The following ARFGEF1 variants were observed in gnomAD, a reference collection of about 807,000 sequenced individuals.
ARFGEF1 encodes the protein ARF guanine nucleotide exchange factor 1.
ARFGEF1 carries 42 observed loss-of-function variants against 231.0 expected under a neutral mutation model. The observed-to-expected ratio is 0.18, with a 90% confidence interval of 0.14 to 0.24. The LOEUF is 0.24. Among genes scored for constraint, ARFGEF1 ranks in the 10% least tolerant of loss-of-function variants. ARFGEF1 has a pLI of 1.00. For synonymous variants in ARFGEF1, 710 were observed against 732.3 expected, an observed-to-expected ratio of 0.97 and a Z score of 0.49; for missense variants, 1,345 against 2,192.0, an observed-to-expected ratio of 0.61 and a Z score of 7.72.
chr8:67,338,194 G>A (rs771307746), intron 1 of ARFGEF1, among the ~76,000 whole-genome samples: 4 of 152,000 alleles, frequency 2.6e-5, no homozygotes, highest in Admixed American at 1.3e-4. Flanking sequence ...TCCTTATTTC[G>A]GACTTTCTTC....
At chr8:67,337,911 CAT>C (rs1324798018) in intron 1 of ARFGEF1, among the ~76,000 whole-genome samples, 2 of 152,204 alleles carry the variant, frequency 1.3e-5, no homozygotes, top group Non-Finnish European at 2.9e-5. Context: ...GTATCTGGAA[CAT>C]ATGAGGAGTT....
At chr8:67,286,659 G>A (rs980286356) in intron 7 of ARFGEF1, among the ~76,000 whole-genome samples, 4 of 152,038 alleles carry the variant, frequency 2.6e-5, no homozygotes, top group African/African-American at 9.7e-5. Flanking sequence ...AAGAATGCAC[G>A]GGCATGTACT....
chr8:67,202,638 G>T (rs1838372984), intron 36 of ARFGEF1, among the ~76,000 whole-genome samples: 1 of 152,102 alleles, frequency 6.6e-6, no homozygotes, highest in Non-Finnish European at 1.5e-5. Flanking sequence ...TGTCTAACTT[G>T]TTCTAGAACA....
At chr8:67,188,075 GTTAA>G (rs1352840107) in intron 5 of ARFGEF1, among the ~76,000 whole-genome samples, 3 of 152,282 alleles carry the variant, frequency 2.0e-5, no homozygotes, top group East Asian at 3.9e-4. Flanking sequence ...AAAAGACACT[GTTAA>G]TTAAGAGAAT....
intron 1 of ARFGEF1, among the ~76,000 whole-genome samples, chr8:67,313,658 G>A (rs1658779268): frequency 6.6e-6 from 1 of 152,186 alleles, no homozygotes; most frequent in Non-Finnish European, 1.5e-5. Context: ...GCCAGTTCTG[G>A]TAGAGGTGGC....
intron 36 of ARFGEF1, chr8:67,201,854 T>C: frequency 2.3e-6 from 1 of 426,034 alleles, no homozygotes. Context: ...AAACTGCACT[T>C]GAATCCCCAA....
chr8:67,215,220 C>T (rs914613707), intron 33 of ARFGEF1, among the ~76,000 whole-genome samples: 1 of 152,076 alleles, frequency 6.6e-6, no homozygotes, highest in African/African-American at 2.4e-5. Context: ...AATGCAGATG[C>T]GGATGATCAG....
chr8:67,192,350 C>T (rs982368603), intron 5 of ARFGEF1, among the ~76,000 whole-genome samples: 56 of 152,222 alleles, frequency 3.7e-4, no homozygotes, highest in African/African-American at 1.3e-3. Context: ...GCTAGGATTA[C>T]AGGCATGAGC....
intron 1 of ARFGEF1, among the ~76,000 whole-genome samples, chr8:67,321,626 A>G (rs1026977683): frequency 1.3e-5 from 2 of 149,468 alleles, no homozygotes; most frequent in Non-Finnish European, 3.0e-5. Context: ...ACGCCCGGCT[A>G]TTTTTTTTTA....
At chr8:67,192,661 T>A (rs1391179749), downstream of ARFGEF1, among the ~76,000 whole-genome samples, 1 of 152,196 alleles carries the variant, frequency 6.6e-6, no homozygotes, top group Non-Finnish European at 1.5e-5. Flanking sequence ...TAATTGTAGG[T>A]CCATGATACA....
chr8:67,212,158 C>T (rs1237387031), intron 33 of ARFGEF1, among the ~76,000 whole-genome samples: 2 of 152,176 alleles, frequency 1.3e-5, no homozygotes, highest in East Asian at 1.9e-4. Flanking sequence ...TCTCGGCTCA[C>T]CGTGACCTCT....
chr8:67,253,220 A>G (rs1482559781), intron 18 of ARFGEF1, among the ~76,000 whole-genome samples: 1 of 152,198 alleles, frequency 6.6e-6, no homozygotes, highest in African/African-American at 2.4e-5. Flanking sequence ...AAATCAAGTG[A>G]AAAACTCTCT....
chr8:67,188,322 T>A (rs778274419), intron 5 of ARFGEF1, among the ~76,000 whole-genome samples: 2 of 152,236 alleles, frequency 1.3e-5, no homozygotes, highest in Non-Finnish European at 2.9e-5. Context: ...TAAGAATTCC[T>A]AAGCCTAGCT....
intron 29 of ARFGEF1, among the ~76,000 whole-genome samples, chr8:67,222,231 GTATGTA>G (rs1563846591): frequency 1.1e-5 from 1 of 88,664 alleles, no homozygotes; most frequent in Non-Finnish European, 2.2e-5. Context: ...ATATGTATAT[GTATGTA>G]TGTATGTATG....
intron 22 of ARFGEF1, among the ~76,000 whole-genome samples, chr8:67,235,058 ATGTGTATG>A (rs1313138052): frequency 2.0e-5 from 3 of 149,040 alleles, no homozygotes; most frequent in East Asian, 3.9e-4. Flanking sequence ...GGGAAAAAAT[ATGTGTATG>A]TGTGTATATA....
chr8:67,216,656 C>T lies in ARFGEF1; in HGVS notation c.4620G>A (p.Leu1540=), dbSNP rs199624554. Residue 1540 remains leucine (L), a synonymous_variant, in exon 33 of 39, where the codon TTG becomes TTA. Coordinates refer to ENST00000262215, the MANE Select transcript of ARFGEF1 (RefSeq NM_006421.5). ...TTTCTCCAGAATTGGGTCGCCAGGT[C>T]AACAGCCTTTAAGATACCAAAACCA... ...IFKTTIPHAL[L]TWRPNSGETA... is the part of the protein sequence containing the mutation. The T allele has an allele frequency of 1.5e-5, 24 of 1,606,994 alleles. No individual in the cohort carries two copies. The highest frequency in any genetic ancestry group is 2.0e-5 in the Non-Finnish European group (24 of 1,178,168).
At chr8:67,230,087 C>T (rs1434279171) in intron 23 of ARFGEF1, among the ~76,000 whole-genome samples, 3 of 152,012 alleles carry the variant, frequency 2.0e-5, no homozygotes, top group Non-Finnish European at 4.4e-5. Context: ...AATTCCTACT[C>T]ACTGCCATAG....
downstream of ARFGEF1, chr8:67,196,253 A>AATTACTAAAATCTTTT (rs1837916763): frequency 6.6e-6 from 1 of 152,210 alleles, no homozygotes; most frequent in South Asian, 2.1e-4. Context: ...TTTTTATTTT[A>AATTACTAAAATCTTTT]ATTACTAAAA....
At chr8:67,294,085 G>A (rs771973199) in intron 5 of ARFGEF1, among the ~76,000 whole-genome samples, 1 of 151,572 alleles carries the variant, frequency 6.6e-6, no homozygotes, top group Admixed American at 6.6e-5. Flanking sequence ...TTTTTTGGTC[G>A]TTATTCCCTA....
Sources: gnomAD v4.1 joint callset for allele counts (sites outside exome capture counted in the v4.1 genomes callset) on GRCh38, gnomAD v4.1.1 for gene constraint, MANE v1.5 for transcripts, NCBI Gene and HGNC (gene_info 2026-07-23, HGNC 2026-07-21) for gene names.